Variants in RBFOX1 observed in about 807,000 individuals in gnomAD.
RBFOX1 encodes the protein RNA binding protein fox-1 homolog 1.
Under a neutral mutation model 57.7 loss-of-function variants are expected in RBFOX1, and 8 were observed. The ratio of observed to expected loss-of-function variants is 0.14; its 90% CI spans 0.08 to 0.25. The LOEUF (loss-of-function observed/expected upper bound fraction) is 0.25, where lower values mean the gene tolerates loss of function less well. Among genes scored for constraint, RBFOX1 ranks in the 10% least tolerant of loss-of-function variants. The pLI is 1.00. For missense variants in RBFOX1, 611 were observed against 548.5 expected (o/e 1.11, Z -1.14); for synonymous variants, 326 against 222.4 (o/e 1.47, Z -4.15).
intron 1 of RBFOX1, among the ~76,000 whole-genome samples, chr16:6,071,575 C>G (rs895620050): frequency 3.9e-5 from 6 of 152,136 alleles, no homozygotes; most frequent in African/African-American, 1.4e-4. Flanking sequence ...ACCAAGATAG[C>G]TGCAAATTAG....
chr16:7,201,241 C>G (rs1351712844), intron 4 of RBFOX1, among the ~76,000 whole-genome samples: 1 of 152,086 alleles, frequency 6.6e-6, no homozygotes, highest in Non-Finnish European at 1.5e-5. Flanking sequence ...CAAAGGAATG[C>G]CAGATACCAA....
intron 1 of RBFOX1, among the ~76,000 whole-genome samples, chr16:6,247,535 A>G (rs1431006637): frequency 6.6e-6 from 1 of 152,234 alleles, no homozygotes; most frequent in African/African-American, 2.4e-5. Flanking sequence ...GCCAATATGC[A>G]TGTTGAATGC....
chr16:5,892,619 A>G (rs934636162), intron 4 of RBFOX1, among the ~76,000 whole-genome samples: 3 of 152,208 alleles, frequency 2.0e-5, no homozygotes, highest in African/African-American at 7.2e-5. Flanking sequence ...GAATGGTGGA[A>G]TGCATCGCGG....
chr16:5,791,668 A>T (rs1427297236), intron 3 of RBFOX1, among the ~76,000 whole-genome samples: 1 of 152,226 alleles, frequency 6.6e-6, no homozygotes, highest in Non-Finnish European at 1.5e-5. Context: ...GCAAATTCAC[A>T]TCTGGCTAAC....
chr16:6,334,700 CATTCGCAGAGG>C (rs1253489993), intron 2 of RBFOX1, among the ~76,000 whole-genome samples: 1 of 152,112 alleles, frequency 6.6e-6, no homozygotes, highest in East Asian at 1.9e-4. Context: ...TGCCAGTTCT[CATTCGCAGAGG>C]ATCCCTGTAG....
At chr16:7,491,253 A>G (rs1489109345) in intron 4 of RBFOX1, among the ~76,000 whole-genome samples, 1 of 151,346 alleles carries the variant, frequency 6.6e-6, no homozygotes, top group Non-Finnish European at 1.5e-5. Context: ...CCGCAGGAAC[A>G]CTCCTTATCT....
intron 3 of RBFOX1, among the ~76,000 whole-genome samples, chr16:6,757,357 C>T (rs1334984678): frequency 6.6e-6 from 1 of 152,126 alleles, no homozygotes; most frequent in African/African-American, 2.4e-5. Context: ...GTGTTTACTG[C>T]AGCATTATTT....
At chr16:7,167,821 C>G (rs1382273092) in intron 4 of RBFOX1, among the ~76,000 whole-genome samples, 1 of 151,798 alleles carries the variant, frequency 6.6e-6, no homozygotes. Context: ...GCGACAAAAA[C>G]CATCTGGCCT....
intron 3 of RBFOX1, among the ~76,000 whole-genome samples, chr16:7,048,251 T>G (rs1028427932): frequency 1.3e-5 from 2 of 151,922 alleles, no homozygotes; most frequent in Non-Finnish European, 2.9e-5. Context: ...TTGATTTTTT[T>G]GTTTTGTTTT....
At chr16:6,900,185 G>A (rs145569011) in intron 3 of RBFOX1, among the ~76,000 whole-genome samples, 2 of 152,294 alleles carry the variant, frequency 1.3e-5, no homozygotes, top group African/African-American at 4.8e-5. Context: ...TGCTGAGCCT[G>A]TGTGGTGAAT....
At chr16:6,908,399 C>A (rs184865273) in intron 3 of RBFOX1, among the ~76,000 whole-genome samples, 16 of 146,306 alleles carry the variant, frequency 1.1e-4, no homozygotes, top group Non-Finnish European at 1.9e-4. Context: ...CCTTCTCTTT[C>A]CTCCCAGGAA....
intron 3 of RBFOX1, among the ~76,000 whole-genome samples, chr16:6,809,909 A>G (rs1019647736): frequency 1.3e-5 from 2 of 152,070 alleles, no homozygotes; most frequent in African/African-American, 4.8e-5. Flanking sequence ...TTTTGTACAA[A>G]TGAATAAACA....
intron 3 of RBFOX1, among the ~76,000 whole-genome samples, chr16:6,950,090 G>A (rs2080391917): frequency 6.6e-6 from 1 of 150,502 alleles, no homozygotes; most frequent in African/African-American, 2.5e-5. Flanking sequence ...AGGATTATAG[G>A]CATGCGCCAC....
At chr16:7,240,077 C>G (rs571066354) in intron 4 of RBFOX1, among the ~76,000 whole-genome samples, 1 of 152,274 alleles carries the variant, frequency 6.6e-6, no homozygotes, top group South Asian at 2.1e-4. Flanking sequence ...AGCGATTCTC[C>G]TGCCTCAGAC....
At chr16:6,527,122 A>C (rs2096591732) in intron 2 of RBFOX1, among the ~76,000 whole-genome samples, 1 of 152,122 alleles carries the variant, frequency 6.6e-6, no homozygotes. Context: ...TTTATTTATT[A>C]TTCAATATGT....
intron 3 of RBFOX1, among the ~76,000 whole-genome samples, chr16:6,930,695 C>T (rs896505873): frequency 4.6e-5 from 7 of 152,156 alleles, no homozygotes; most frequent in Non-Finnish European, 7.3e-5. Context: ...CAGGTGTTAG[C>T]CCCTGTGCCT....
intron 3 of RBFOX1, among the ~76,000 whole-genome samples, chr16:5,781,570 C>G (rs928445941): frequency 6.6e-6 from 1 of 152,212 alleles, no homozygotes. Flanking sequence ...TTTTGGGCTT[C>G]ATTGGCCATA....
intron 2 of RBFOX1, among the ~76,000 whole-genome samples, chr16:5,565,634 A>G (rs562456240): frequency 7.6e-6 from 1 of 131,914 alleles, no homozygotes; most frequent in Non-Finnish European, 1.6e-5. Context: ...TTACATAAAT[A>G]AATAAATAAA....
intron 14 of RBFOX1, among the ~76,000 whole-genome samples, chr16:7,708,770 C>T (rs956014935): frequency 1.3e-5 from 2 of 152,036 alleles, no homozygotes; most frequent in Non-Finnish European, 2.9e-5. Context: ...GCTACTTGAG[C>T]AGTGTAGAAA....
Sources: gnomAD v4.1 joint callset for allele counts (sites outside exome capture counted in the v4.1 genomes callset) on GRCh38, gnomAD v4.1.1 for gene constraint, MANE v1.5 for transcripts, NCBI Gene and HGNC (gene_info 2026-07-23, HGNC 2026-07-21) for gene names.